Variants in MAML3 observed in about 807,000 individuals in gnomAD.
The protein encoded by MAML3 is mastermind-like protein 3.
In MAML3, 27 loss-of-function variants were observed where a neutral mutation model predicts 101.9. That is an observed-to-expected ratio of 0.27 (90% CI 0.20 to 0.37). The LOEUF (loss-of-function observed/expected upper bound fraction) is 0.37. Ranked by LOEUF, MAML3 falls within the 10% of genes least tolerant of loss-of-function variation. The pLI is 1.00. For missense variants in MAML3, 1,316 were observed against 1,444.9 expected (o/e 0.91, Z 1.45); for synonymous variants, 501 against 555.9 (o/e 0.90, Z 1.39).
At chr4:140,151,737 C>T (rs536479557) in intron 1 of MAML3, among the ~76,000 whole-genome samples, 2 of 152,044 alleles carry the variant, frequency 1.3e-5, no homozygotes, top group South Asian at 4.1e-4. Flanking sequence ...CCTCCCCTCA[C>T]CCAGAAAGGA....
intron 2 of MAML3, among the ~76,000 whole-genome samples, chr4:139,848,337 T>A (rs1731486572): frequency 6.6e-6 from 1 of 152,248 alleles, no homozygotes; most frequent in South Asian, 2.1e-4. Context: ...AGATATTTTC[T>A]GGTTACATAT....
At chr4:139,997,243 C>T (rs578226164) in intron 1 of MAML3, among the ~76,000 whole-genome samples, 1 of 151,160 alleles carries the variant, frequency 6.6e-6, no homozygotes, top group Admixed American at 6.6e-5. Flanking sequence ...AGTTGTTCCT[C>T]CTTTACTGCT....
intron 1 of MAML3, among the ~76,000 whole-genome samples, chr4:140,085,592 AAGGGTC>A (rs940548928): frequency 1.3e-5 from 2 of 152,178 alleles, no homozygotes; most frequent in African/African-American, 4.8e-5. Context: ...AACCTCTTAG[AAGGGTC>A]AGGGCAGCTG....
At chr4:139,827,561 CA>C (rs1321839916) in intron 2 of MAML3, among the ~76,000 whole-genome samples, 1 of 152,136 alleles carries the variant, frequency 6.6e-6, no homozygotes, top group African/African-American at 2.4e-5. Flanking sequence ...ATAATTTGGT[CA>C]AGAAGAAATA....
At chr4:140,075,908 G>A (rs1159191076) in intron 1 of MAML3, among the ~76,000 whole-genome samples, 1 of 152,078 alleles carries the variant, frequency 6.6e-6, no homozygotes, top group East Asian at 1.9e-4. Context: ...CTACAGGCAT[G>A]CACCACAACA....
intron 1 of MAML3, among the ~76,000 whole-genome samples, chr4:140,029,309 G>A (rs574012636): frequency 3.9e-5 from 6 of 152,308 alleles, no homozygotes; most frequent in Admixed American, 6.5e-5. Flanking sequence ...CTGCCACTGC[G>A]ATTAGAACAA....
chr4:140,027,630 T>C (rs935453526), intron 1 of MAML3, among the ~76,000 whole-genome samples: 1 of 152,236 alleles, frequency 6.6e-6, no homozygotes, highest in Non-Finnish European at 1.5e-5. Flanking sequence ...GTTTATATCC[T>C]TTCCCAGATA....
chr4:140,122,521 G>C (rs1024918133), intron 1 of MAML3, among the ~76,000 whole-genome samples: 10 of 152,042 alleles, frequency 6.6e-5, no homozygotes, highest in African/African-American at 1.2e-4. Context: ...GGCCGGGCGC[G>C]GTGGCTCACG....
At chr4:140,137,810 G>A (rs924882118) in intron 1 of MAML3, among the ~76,000 whole-genome samples, 3 of 152,186 alleles carry the variant, frequency 2.0e-5, no homozygotes, top group African/African-American at 7.2e-5. Flanking sequence ...AAGTTCTCTA[G>A]TCTGCAATCC....
intron 2 of MAML3, among the ~76,000 whole-genome samples, chr4:139,779,926 G>T (rs1028483997): frequency 1.3e-5 from 2 of 152,166 alleles, no homozygotes; most frequent in Non-Finnish European, 2.9e-5. Flanking sequence ...ATGTTGTAGG[G>T]CGCAAGCCAT....
intron 1 of MAML3, among the ~76,000 whole-genome samples, chr4:139,987,236 A>G (rs1734554716): frequency 6.6e-6 from 1 of 152,170 alleles, no homozygotes; most frequent in African/African-American, 2.4e-5. Context: ...CAGAGGGAGG[A>G]CAGTTTATAA....
At chr4:140,017,923 A>G (rs570163445) in intron 1 of MAML3, among the ~76,000 whole-genome samples, 16 of 151,690 alleles carry the variant, frequency 1.1e-4, no homozygotes, top group African/African-American at 3.6e-4. Context: ...CATTTGGGGG[A>G]ATTGGGCTAA....
At chr4:139,751,705 A>T (rs1408937375) in intron 2 of MAML3, among the ~76,000 whole-genome samples, 2 of 152,198 alleles carry the variant, frequency 1.3e-5, no homozygotes, top group Non-Finnish European at 1.5e-5. Context: ...GATGGACCCC[A>T]GGGAGCCAGT....
At chr4:139,927,740 A>AT (rs35916629) in intron 1 of MAML3, among the ~76,000 whole-genome samples, 57,975 of 152,062 alleles carry the variant, frequency 0.38, 11,691 homozygotes, top group East Asian at 0.63. Flanking sequence ...GTCTTTGGCC[A>AT]TGGGAACACA....
chr4:139,881,237 CCA>C (rs911482042), intron 2 of MAML3, among the ~76,000 whole-genome samples: 1 of 152,142 alleles, frequency 6.6e-6, no homozygotes, highest in African/African-American at 2.4e-5. Context: ...AGAGATGAAA[CCA>C]CAGGACTCTG....
chr4:139,974,941 C>A (rs1425712565), intron 1 of MAML3, among the ~76,000 whole-genome samples: 1 of 151,654 alleles, frequency 6.6e-6, no homozygotes, highest in Admixed American at 6.6e-5. Context: ...TGGAAAAATT[C>A]TTGATTAGGG....
At chr4:139,880,417 A>G (rs1732196001) in intron 2 of MAML3, among the ~76,000 whole-genome samples, 1 of 151,988 alleles carries the variant, frequency 6.6e-6, no homozygotes, top group South Asian at 2.1e-4. Context: ...CTCAGCAGGG[A>G]AGGCCTGGAT....
intron 2 of MAML3, among the ~76,000 whole-genome samples, chr4:139,852,403 G>GTTTTTTTTTTTTTTGTTGTTTTTTTT (rs1731572998): frequency 2.9e-5 from 2 of 68,350 alleles, no homozygotes; most frequent in Admixed American, 1.7e-4. Context: ...TCAGAAGACT[G>GTTTTTTTTTTTTTTGTTGTTTTTTTT]TTTTTTTTTT....
intron 1 of MAML3, among the ~76,000 whole-genome samples, chr4:139,918,165 C>T (rs1406257803): frequency 6.6e-6 from 1 of 152,120 alleles, no homozygotes; most frequent in Non-Finnish European, 1.5e-5. Flanking sequence ...TTACCCTTTC[C>T]AGTCTACTCT....
Sources: gnomAD v4.1 joint callset for allele counts (sites outside exome capture counted in the v4.1 genomes callset) on GRCh38, gnomAD v4.1.1 for gene constraint, MANE v1.5 for transcripts, NCBI Gene and HGNC (gene_info 2026-07-23, HGNC 2026-07-21) for gene names.